ATG2A: variants seen among roughly 807,000 people sequenced by gnomAD.
The protein encoded by ATG2A is autophagy related 2A.
Under a neutral mutation model 214.2 loss-of-function variants are expected in ATG2A, and 103 were observed. The observed-to-expected ratio is 0.48, with a 90% CI of 0.41 to 0.57. The LOEUF (loss-of-function observed/expected upper bound fraction) is 0.57, where lower values mean the gene tolerates loss of function less well. ATG2A is among the 20% of genes least tolerant of loss of function. The pLI is 0.00. For synonymous variants in ATG2A, 1,160 were observed against 1,142.1 expected, an observed-to-expected ratio of 1.02 and a Z score of -0.32; for missense variants, 2,312 against 2,613.2, an observed-to-expected ratio of 0.88 and a Z score of 2.51.
At chr11:64,909,440 G>A in intron 14 of ATG2A, 73 bp from the exon 15 acceptor site, 1 of 1,504,044 alleles carries the variant, frequency 6.6e-7, no homozygotes, top group Non-Finnish European at 9.2e-7. Flanking sequence ...GCCCAGGTCG[G>A]CTCAGAGCTG....
rs535801604 is a variant in ATG2A, at chr11:64,903,696, C to A, written c.3465-36G>T. The A allele has an allele frequency of 1.2e-5, 18 of 1,538,130 alleles. No homozygotes were observed. The East Asian group carries it at 3.4e-4, about 29-fold the overall frequency. ...ACAGGGCTGAGAAGGGCCCGGGCAC[C>A]GCTGCAGGGGGCAGCTCCACGGGAG... On this transcript the variant is annotated intron_variant, in intron 24 of 40. Coordinates refer to ENST00000377264, the MANE Select transcript of ATG2A (RefSeq NM_015104.3). The surrounding 1 kb of genome is among the most constrained non-coding windows in gnomAD (Gnocchi z 4.2).
chr11:64,910,495 G>T lies in ATG2A; in HGVS notation c.1707+121C>A, dbSNP rs532057649. On this transcript the variant is annotated intron_variant, in intron 12 of 40. Coordinates refer to ENST00000377264, the MANE Select transcript of ATG2A (RefSeq NM_015104.3). ...GCAGGTATTTGAGGGCCCCAGCATGGAGAGATGTGGAGCACAGGGGAAGAG... is the reference window on the plus strand; with the variant it reads ...GCAGGTATTTGAGGGCCCCAGCATGTAGAGATGTGGAGCACAGGGGAAGAG... The T allele has an allele frequency of 7.9e-5, 96 of 1,214,354 alleles. No individual in the cohort carries two copies. In the African/African-American group the frequency reaches 1.2e-3, roughly 15 times the overall value. The allele number at this position is 1,214,354 out of a possible 1,614,324, so 75.2% of individuals were successfully genotyped here.
rs588060 is a variant in ATG2A at position 64,895,274 on chromosome 11, G to A, written c.5580+16C>T. 2 of 1,613,182 alleles carry A rather than the reference G, an allele frequency of 1.2e-6. No homozygotes were observed. The highest frequency in any genetic ancestry group is 8.5e-7 in the Non-Finnish European group (1 of 1,179,890). Reference sequence around the variant, plus strand: ...GATGGGCATGGGGGACTGGGGCAGGGCGGGGGCCTGGTCACCTCTCGCACT... The same window carrying A: ...GATGGGCATGGGGGACTGGGGCAGGACGGGGGCCTGGTCACCTCTCGCACT... On this transcript the variant is annotated intron_variant, in intron 40 of 40. Transcript: ENST00000377264. This position sits in a 1 kb window ranked among gnomAD's most constrained non-coding sequence, Gnocchi z 5.0.
rs779214429 is a variant in ATG2A at position 64,912,253 on chromosome 11, C to A, written c.923-4G>T. 1.2e-5 allele frequency: 20 copies of A among 1,612,042 alleles called. No individual in the cohort carries two copies. Among genetic ancestry groups the A allele is most frequent in the Non-Finnish European group, 1.7e-5 (20 of 1,178,974 alleles). On this transcript the variant is annotated splice_polypyrimidine_tract_variant and splice_region_variant and intron_variant, in intron 7 of 40. Coordinates refer to ENST00000377264, the MANE Select transcript of ATG2A (RefSeq NM_015104.3). Reference sequence around the variant, plus strand: ...TTGTCAGCCAGGCCCTCGTGGTCTGCAGGGGAGGAGACTTCAGTCTGGGCT... The same window carrying A: ...TTGTCAGCCAGGCCCTCGTGGTCTGAAGGGGAGGAGACTTCAGTCTGGGCT...
rs1944191625 is a variant in ATG2A, at chr11:64,897,399, G to A, written c.5150+13C>T. The A allele has an allele frequency of 3.2e-6, 5 of 1,556,902 alleles. No individual in the cohort carries two copies. The East Asian group carries it at 1.2e-4, about 38-fold the overall frequency. On this transcript the variant is annotated intron_variant, in intron 37 of 40. Coordinates refer to ENST00000377264, the MANE Select transcript of ATG2A (RefSeq NM_015104.3). ...AGGGACCCTGGAGAGAGGCTGGGGT[G>A]CTGGGGACTCACCCGTGCCTGCAAC...
Position 64,895,438 on chromosome 11 carries a change from G to A in ATG2A, c.5432C>T (p.Thr1811Ile), listed in dbSNP as rs1453916374. 3.8e-6 allele frequency: 6 copies of A among 1,578,288 alleles called. No homozygotes were observed. The highest frequency in any genetic ancestry group is 5.2e-6 in the Non-Finnish European group (6 of 1,160,866). The change falls in exon 40 of 41, where the codon ACA (threonine) becomes ATA (isoleucine). Residue 1811 changes from threonine (T) to isoleucine (I), a missense_variant. Coordinates refer to ENST00000377264, the MANE Select transcript of ATG2A (RefSeq NM_015104.3). The surrounding 1 kb of genome is among the most constrained non-coding windows in gnomAD (Gnocchi z 5.0). ...CAGGATGTCATACACGGTCTCAGCT[G>A]TGGCCTGGGGGACATGGGAGCACTG... Reference protein sequence around the residue: ...SNRLVQAIQATAETVYDILSP... With the variant: ...SNRLVQAIQAIAETVYDILSP...
At chr11:64,901,891 C>G in intron 29 of ATG2A, 71 bp downstream of exon 29, 8 of 1,560,534 alleles carry the variant, frequency 5.1e-6, no homozygotes, top group Non-Finnish European at 7.0e-6. Flanking sequence ...GCAACCACCC[C>G]TGAGTGTTCC....
intron 31 of ATG2A, 42 bp downstream of exon 31, chr11:64,900,452 C>G (rs1307086142): frequency 6.2e-7 from 1 of 1,612,032 alleles, no homozygotes; most frequent in Admixed American, 1.7e-5. Flanking sequence ...GCCCGTTGTT[C>G]TATGACACAC....
intron 1 of ATG2A, 143 bp downstream of exon 1, chr11:64,916,821 GC>G: frequency 9.6e-7 from 1 of 1,045,476 alleles, no homozygotes; most frequent in Non-Finnish European, 1.3e-6. Flanking sequence ...CAGCCGGGGT[GC>G]CTCTGACGCC....
At chr11:64,901,171 AC>A in intron 29 of ATG2A, 79 bp from the exon 30 acceptor site, 1 of 1,410,870 alleles carries the variant, frequency 7.1e-7, no homozygotes, top group South Asian at 1.3e-5. Context: ...ACCTGGCCTC[AC>A]TTCTTTTTCA....
At chr11:64,902,214 T>C (rs1944375820) in intron 28 of ATG2A, 38 bp from the exon 29 acceptor site, 1 of 1,612,788 alleles carries the variant, frequency 6.2e-7, no homozygotes, top group South Asian at 1.1e-5. Flanking sequence ...GCGCCCACAG[T>C]GGGTGCCTGA....
rs984450322 is a variant in ATG2A at position 64,902,405 on chromosome 11, G to A, written c.3778-19C>T. The A allele has an allele frequency of 4.5e-6, 7 of 1,547,212 alleles. No homozygotes were observed. The highest frequency in any genetic ancestry group is 6.1e-6 in the Non-Finnish European group (7 of 1,145,624). ...CCGAGAGCTGGGCCAGGCAGGGGAG[G>A]AGCAATGAGTGAGACAGGACAGAGC... On this transcript the variant is annotated intron_variant, in intron 27 of 40. Coordinates refer to ENST00000377264, the MANE Select transcript of ATG2A (RefSeq NM_015104.3).
intron 6 of ATG2A, 58 bp downstream of exon 6, chr11:64,912,980 A>T: frequency 8.2e-7 from 1 of 1,224,220 alleles, no homozygotes; most frequent in South Asian, 1.5e-5. Flanking sequence ...AGCCTTGCTG[A>T]GGAGGAGGAG....
chr11:64,913,270 G>A lies in ATG2A; in HGVS notation c.722C>T (p.Ala241Val), dbSNP rs1400184479. The change falls in exon 5 of 41, where the codon GCA (alanine) becomes GTA (valine). Residue 241 changes from alanine (A) to valine (V), a missense_variant. Physicochemically the swap from Ala to Val is moderately conservative, Grantham distance 64. Coordinates refer to ENST00000377264, the MANE Select transcript of ATG2A (RefSeq NM_015104.3). This position sits in a 1 kb window ranked among gnomAD's most constrained non-coding sequence, Gnocchi z 4.3. Reference sequence around the variant, plus strand: ...TGGGAATCAGAGCCCGCTCACCTGTGCCGGGAGCTCCTCGTAGTGCAGGCG... The same window carrying A: ...TGGGAATCAGAGCCCGCTCACCTGTACCGGGAGCTCCTCGTAGTGCAGGCG... The part of the protein sequence containing the change: ...GVRLHYEELP[A>V]QEEPPEPPLQ... 1.9e-6 allele frequency: 3 copies of A among 1,611,686 alleles called. No individual in the cohort carries two copies. Among genetic ancestry groups the A allele is most frequent in the Non-Finnish European group, 2.5e-6 (3 of 1,179,694 alleles).
At position 64,895,653 on chromosome 11, in the gene ATG2A, C is replaced by A. The variant is rs563751069; in HGVS notation, c.5428-211G>T. 2.0e-5 allele frequency among the ~76,000 whole-genome samples: 3 copies of A among 152,174 alleles called. No homozygotes were observed. The highest frequency in any genetic ancestry group is 4.4e-5 in the Non-Finnish European group (3 of 68,008). On this transcript the variant is annotated intron_variant, in intron 39 of 40. Coordinates refer to ENST00000377264, the MANE Select transcript of ATG2A (RefSeq NM_015104.3). The surrounding 1 kb of genome is among the most constrained non-coding windows in gnomAD (Gnocchi z 5.0). ...CCACTCTGCTGAGGGAACCTAGGAACGTGGGACTCCTCAGGGGACTTTCCT... is the reference window on the plus strand; with the variant it reads ...CCACTCTGCTGAGGGAACCTAGGAAAGTGGGACTCCTCAGGGGACTTTCCT...
rs1944099779 is a variant in ATG2A, at chr11:64,895,072, C to T, written c.5718G>A (p.Glu1906=). 4.3e-6 allele frequency: 7 copies of T among 1,613,062 alleles called. No homozygotes were observed. Among genetic ancestry groups the T allele is most frequent in the Non-Finnish European group, 5.1e-6 (6 of 1,179,792 alleles). Residue 1906 remains glutamate (E), a synonymous_variant, in exon 41 of 41, where the codon GAG becomes GAA. Coordinates refer to ENST00000377264, the MANE Select transcript of ATG2A (RefSeq NM_015104.3). The surrounding 1 kb of genome is among the most constrained non-coding windows in gnomAD (Gnocchi z 5.0). ...TGCCCCCGAGCAGGCTGGACGTGGC[C>T]TCCGTGGCCAGGATGAGCGGCTTCA... ...TVVKPLILAT[E]ATSSLLGGMR... is the part of the protein sequence containing the mutation.
Position 64,898,576 on chromosome 11 carries a change from A to C in ATG2A, c.4671+60T>G. The C allele has an allele frequency of 6.4e-7, 1 of 1,570,294 alleles. No individual in the cohort carries two copies. The highest frequency in any genetic ancestry group is 8.8e-7 in the Non-Finnish European group (1 of 1,142,088). ...TGTGTGTGAATCCATGCATGCGTGA[A>C]GATGTATCCCCAACGGTCTGGTGCC... On this transcript the variant is annotated intron_variant, in intron 32 of 40. Transcript: ENST00000377264. The surrounding 1 kb of genome is among the most constrained non-coding windows in gnomAD (Gnocchi z 4.5).
intron 31 of ATG2A, among the ~76,000 whole-genome samples, chr11:64,899,178 T>C (rs1944266081): frequency 6.6e-6 from 1 of 152,166 alleles, no homozygotes; most frequent in African/African-American, 2.4e-5. Flanking sequence ...GTGCTGGGAC[T>C]ACAGGCATGA....
chr11:64,901,181 CA>C (rs2136559201), intron 29 of ATG2A, 89 bp from the exon 30 acceptor site: 2 of 1,318,782 alleles, frequency 1.5e-6, no homozygotes, highest in African/African-American at 1.5e-5. Flanking sequence ...ACTTCTTTTT[CA>C]TTTTTTTTTT....
Sources: allele counts gnomAD v4.1 joint callset (sites outside exome capture counted in the v4.1 genomes callset), GRCh38; gene constraint gnomAD v4.1.1; non-coding constraint Gnocchi (gnomAD v3.1); transcripts MANE v1.5; gene names NCBI Gene and HGNC (gene_info 2026-07-23, HGNC 2026-07-21).